The following CAMTA1 variants were observed in gnomAD, a reference collection of about 807,000 sequenced individuals.
CAMTA1 encodes calmodulin-binding transcription activator 1.
A neutral mutation model predicts 170.9 loss-of-function variants in CAMTA1; 27 were observed. The observed-to-expected ratio is 0.16, with a 90% CI of 0.12 to 0.22. The LOEUF (loss-of-function observed/expected upper bound fraction) is 0.22, where lower values mean the gene tolerates loss of function less well. CAMTA1 is among the 10% of genes least tolerant of loss of function. The probability of loss-of-function intolerance (pLI) is 1.00; values close to 1 mark genes in which losing one functional copy is unlikely to be tolerated. For missense variants in CAMTA1, 1,619 were observed against 2,217.2 expected (o/e 0.73, Z 5.42); for synonymous variants, 833 against 891.5 (o/e 0.93, Z 1.17).
At chr1:7,423,686 T>C (rs1414137560) in intron 5 of CAMTA1, among the ~76,000 whole-genome samples, 1 of 151,962 alleles carries the variant, frequency 6.6e-6, no homozygotes, top group Non-Finnish European at 1.5e-5. Context: ...TTCTTACCAA[T>C]AAAATGCGCA....
At chr1:7,753,353 ATCCGAGCTGGGTGTAGAC>A in intron 21 of CAMTA1, among the ~76,000 whole-genome samples, 1 of 152,204 alleles carries the variant, frequency 6.6e-6, no homozygotes, top group African/African-American at 2.4e-5. Context: ...AACTGCGGCC[ATCCGAGCTGGGTGTAGAC>A]CACCTTCTGT....
At chr1:7,578,013 G>T (rs771115252) in intron 6 of CAMTA1, among the ~76,000 whole-genome samples, 3 of 152,172 alleles carry the variant, frequency 2.0e-5, no homozygotes, top group East Asian at 1.9e-4. Flanking sequence ...TACAACAAAG[G>T]TTGATGGGTT....
At chr1:7,236,646 A>G (rs1268586516) in intron 4 of CAMTA1, among the ~76,000 whole-genome samples, 4 of 152,214 alleles carry the variant, frequency 2.6e-5, no homozygotes, top group African/African-American at 9.6e-5. Context: ...CAGCTACTAA[A>G]GTGACTGTCA....
At position 7,745,004 on chromosome 1, in the gene CAMTA1, C is replaced by A. The variant is rs1292310094; in HGVS notation, c.4352C>A (p.Pro1451His). ...TATCTAGCGGATGCTGACTGCCTTC[C>A]CAGTGCTGCCCAGATCCGGTGAGTA... Reference protein sequence around the residue: ...ASYLADADCLPSAAQIRSAYN... With the variant: ...ASYLADADCLHSAAQIRSAYN... Residue 1451 changes from proline (P) to histidine (H), a missense_variant, in exon 17 of 23, where the codon CCC (proline) becomes CAC (histidine). By Grantham distance (77) the Pro-to-His change is moderately conservative (BLOSUM62 -2). Coordinates refer to ENST00000303635, the MANE Select transcript of CAMTA1 (RefSeq NM_015215.4). The A allele has an allele frequency of 1.9e-6, 3 of 1,613,062 alleles. No homozygotes were observed. The highest frequency in any genetic ancestry group is 2.5e-6 in the Non-Finnish European group (3 of 1,179,556).
chr1:7,581,064 G>A (rs1230429048), intron 6 of CAMTA1, among the ~76,000 whole-genome samples: 15 of 152,240 alleles, frequency 9.9e-5, no homozygotes, highest in Non-Finnish European at 4.4e-5. Flanking sequence ...GGAGCCATGG[G>A]AAGCGTCAGA....
At chr1:7,651,900 A>T (rs1382337837) in intron 7 of CAMTA1, among the ~76,000 whole-genome samples, 3 of 152,224 alleles carry the variant, frequency 2.0e-5, no homozygotes, top group African/African-American at 4.8e-5. Flanking sequence ...TCTTCTTCCC[A>T]CATAGCCAGC....
At chr1:7,081,062 G>A (rs9434826) in intron 3 of CAMTA1, among the ~76,000 whole-genome samples, 20,438 of 152,244 alleles carry the variant, frequency 0.13, 1,456 homozygotes, top group East Asian at 0.25. Context: ...AAGGGCCTGG[G>A]CTGGAAGTGG....
intron 5 of CAMTA1, among the ~76,000 whole-genome samples, chr1:7,381,933 G>A (rs1390903512): frequency 1.3e-5 from 2 of 152,136 alleles, no homozygotes; most frequent in East Asian, 1.9e-4. Context: ...CCTGGGAAAC[G>A]ATTGGTTAGA....
intron 5 of CAMTA1, among the ~76,000 whole-genome samples, chr1:7,416,487 C>T (rs894516709): frequency 1.3e-5 from 2 of 152,070 alleles, no homozygotes; most frequent in Admixed American, 6.6e-5. Context: ...CTAAACTTCT[C>T]TTCTCGCTTC....
At chr1:7,408,434 C>T (rs2090459184) in intron 5 of CAMTA1, among the ~76,000 whole-genome samples, 1 of 152,230 alleles carries the variant, frequency 6.6e-6, no homozygotes, top group Admixed American at 6.5e-5. Context: ...TGCCTCGCCT[C>T]GCTCCTGCCA....
At chr1:7,422,169 G>T (rs2091605163) in intron 5 of CAMTA1, among the ~76,000 whole-genome samples, 1 of 152,120 alleles carries the variant, frequency 6.6e-6, no homozygotes, top group South Asian at 2.1e-4. Context: ...CCTGTGCAGG[G>T]GCCTGTGCTG....
rs868328752 is a variant in CAMTA1 at position 7,010,391 on chromosome 1, C to T, written c.235-80913C>T. ...AGTGACTTTGGGCCACGGGCTGTGGCGTCACATCCTCCAGAGCCTTCTCTG... is the reference window on the plus strand; with the variant it reads ...AGTGACTTTGGGCCACGGGCTGTGGTGTCACATCCTCCAGAGCCTTCTCTG... On this transcript the variant is annotated intron_variant, in intron 3 of 22. Coordinates refer to ENST00000303635, the MANE Select transcript of CAMTA1 (RefSeq NM_015215.4). The surrounding 1 kb of genome is among the most constrained non-coding windows in gnomAD (Gnocchi z 4.4). Among the ~76,000 whole-genome samples the T allele has an allele frequency of 6.6e-6, 1 of 152,164 alleles. No individual in the cohort carries two copies.
At chr1:7,193,833 G>A (rs1334224302) in intron 4 of CAMTA1, among the ~76,000 whole-genome samples, 3 of 152,212 alleles carry the variant, frequency 2.0e-5, no homozygotes, top group Non-Finnish European at 4.4e-5. Context: ...AGGTGTTCAG[G>A]TGGATTTTAC....
intron 22 of CAMTA1, among the ~76,000 whole-genome samples, chr1:7,765,995 C>G (rs1015702449): frequency 6.7e-6 from 1 of 149,062 alleles, no homozygotes; most frequent in African/African-American, 2.5e-5. Flanking sequence ...CCACTGCACT[C>G]CAGCCTGGGT....
intron 6 of CAMTA1, among the ~76,000 whole-genome samples, chr1:7,620,297 A>T (rs976376783): frequency 5.3e-5 from 8 of 152,190 alleles, no homozygotes; most frequent in South Asian, 2.1e-4. Flanking sequence ...AGCATCCTCT[A>T]TTGCACGGCA....
At chr1:7,530,671 G>GGAGC (rs1291055312) in intron 6 of CAMTA1, among the ~76,000 whole-genome samples, 8 of 152,186 alleles carry the variant, frequency 5.3e-5, no homozygotes, top group Non-Finnish European at 1.2e-4. Context: ...AGCTGCATAT[G>GGAGC]GAGCACACAG....
chr1:7,764,100 A>G (rs1464924316), intron 22 of CAMTA1, among the ~76,000 whole-genome samples: 1 of 152,164 alleles, frequency 6.6e-6, no homozygotes, highest in Non-Finnish European at 1.5e-5. Context: ...GCATGTTTCA[A>G]TTTTTAAAAA....
chr1:7,732,266 A>G lies in CAMTA1; in HGVS notation c.2915-182A>G, dbSNP rs1292954951. Among the ~76,000 whole-genome samples the G allele has an allele frequency of 6.6e-6, 1 of 152,136 alleles. No homozygotes were observed. Among genetic ancestry groups the G allele is most frequent in the East Asian group, 1.9e-4 (1 of 5,184 alleles). Reference sequence around the variant, plus strand: ...ACTTCGGGCTGCTGAAGGTGCCACCATCCTGTGTGAGGTGGTGACAGATTC... The same window carrying G: ...ACTTCGGGCTGCTGAAGGTGCCACCGTCCTGTGTGAGGTGGTGACAGATTC... On this transcript the variant is annotated intron_variant, in intron 11 of 22. Transcript: ENST00000303635. The surrounding 1 kb of genome is among the most constrained non-coding windows in gnomAD (Gnocchi z 4.1).
At chr1:7,563,445 G>A (rs2094989587) in intron 6 of CAMTA1, among the ~76,000 whole-genome samples, 1 of 152,186 alleles carries the variant, frequency 6.6e-6, no homozygotes, top group African/African-American at 2.4e-5. Flanking sequence ...CCTGCTAGCA[G>A]CTCCCGTGCC....
Sources: gnomAD v4.1 joint callset for allele counts (sites outside exome capture counted in the v4.1 genomes callset) on GRCh38, gnomAD v4.1.1 for gene constraint, Gnocchi (gnomAD v3.1) non-coding constraint, MANE v1.5 for transcripts, NCBI Gene and HGNC (gene_info 2026-07-23, HGNC 2026-07-21) for gene names.